The following NSD1 variants were observed in gnomAD, a reference collection of about 807,000 sequenced individuals.
The protein encoded by NSD1 is histone-lysine N-methyltransferase, H3 lysine-36 specific.
NSD1 carries 26 observed loss-of-function variants against 242.7 expected under a neutral mutation model. The ratio of observed to expected loss-of-function variants is 0.11; its 90% CI spans 0.08 to 0.15. NSD1 has a LOEUF of 0.15. Among genes scored for constraint, NSD1 ranks in the 10% least tolerant of loss-of-function variants. The pLI is 1.00. For missense variants in NSD1, 2,495 were observed against 3,272.8 expected, an observed-to-expected ratio of 0.76 and a Z score of 5.80; for synonymous variants, 1,106 against 1,178.1, an observed-to-expected ratio of 0.94 and a Z score of 1.25.
chr5:177,248,042 A>G, intron 10 of NSD1, 139 bp from the exon 11 acceptor site: 1 of 1,524,802 alleles, frequency 6.6e-7, no homozygotes, highest in Non-Finnish European at 8.8e-7. Context: ...TAGAACTAAC[A>G]TTGCATGCAG....
At chr5:177,191,739 T>TAC in intron 2 of NSD1, 145 bp from the exon 3 acceptor site, 1 of 778,968 alleles carries the variant, frequency 1.3e-6, no homozygotes, top group Non-Finnish European at 2.1e-6. Flanking sequence ...AATTTAGTTG[T>TAC]ACTTATTTTG....
chr5:177,248,874 A>G (rs1233211568), intron 11 of NSD1, among the ~76,000 whole-genome samples: 2 of 152,218 alleles, frequency 1.3e-5, no homozygotes, highest in Non-Finnish European at 2.9e-5. Flanking sequence ...CCCATTTTGC[A>G]GATGAGGAAA....
intron 2 of NSD1, among the ~76,000 whole-genome samples, chr5:177,168,795 T>G (rs1172339449): frequency 6.6e-6 from 1 of 152,184 alleles, no homozygotes; most frequent in Non-Finnish European, 1.5e-5. Context: ...AAATCCATGC[T>G]TCAGGATTTG....
At chr5:177,262,307 AT>A (rs1562271949) in intron 14 of NSD1, among the ~76,000 whole-genome samples, 2 of 152,110 alleles carry the variant, frequency 1.3e-5, no homozygotes, top group Admixed American at 1.3e-4. Flanking sequence ...CTTTCTTAAG[AT>A]ATCACTAAAG....
intron 2 of NSD1, among the ~76,000 whole-genome samples, chr5:177,178,312 C>T (rs375987015): frequency 6.6e-5 from 10 of 152,206 alleles, no homozygotes; most frequent in South Asian, 2.1e-4. Flanking sequence ...CCACAACCTC[C>T]GCCTCCCGGG....
intron 17 of NSD1, among the ~76,000 whole-genome samples, chr5:177,274,438 C>A (rs1758190962): frequency 3.3e-5 from 5 of 152,120 alleles, no homozygotes. Context: ...GCAGTTTTAT[C>A]ATTACTTTTA....
chr5:177,295,672 G>T lies in NSD1; in HGVS notation c.*213G>T. On this transcript the variant is annotated 3_prime_UTR_variant, in exon 23 of 23. Coordinates refer to ENST00000439151, the MANE Select transcript of NSD1 (RefSeq NM_022455.5). The surrounding 1 kb of genome is among the most constrained non-coding windows in gnomAD (Gnocchi z 4.3). ...TGAACCATGTATGAAAATCCAGTGG[G>T]CCCCAACCAAGGAGACAGACAGACT... 1 of 626,010 alleles carries T rather than the reference G, an allele frequency of 1.6e-6. No individual in the cohort carries two copies. The highest frequency in any genetic ancestry group is 2.8e-6 in the Non-Finnish European group (1 of 355,108). The allele number at this position is 626,010 out of a possible 1,614,324, so 38.8% of individuals were successfully genotyped here.
In NSD1 at chr5:177,294,692, G is replaced by A. The variant is rs755621831; in HGVS notation, c.7324G>A (p.Val2442Met). 1.9e-6 allele frequency: 3 copies of A among 1,614,122 alleles called. No individual in the cohort carries two copies. Among genetic ancestry groups the A allele is most frequent in the African/African-American group, 2.7e-5 (2 of 74,934 alleles). ...LVAKEKALRP[V>M]DQNTQSKNRA... The stretch of plus-strand genomic sequence containing the variant: ...AGCTAAAGAAAAAGCACTGAGGCCT[G>A]TGGACCAGAATACTCAGTCAAAAAA... The change falls in exon 23 of 23, where the codon GTG (valine) becomes ATG (methionine). Residue 2442 changes from valine to methionine, a missense_variant. Physicochemically the swap from Val to Met is conservative, Grantham distance 21 (BLOSUM62 1). Coordinates refer to ENST00000439151, the MANE Select transcript of NSD1 (RefSeq NM_022455.5).
At chr5:177,217,536 T>TAA (rs961721524) in intron 5 of NSD1, among the ~76,000 whole-genome samples, 2 of 152,158 alleles carry the variant, frequency 1.3e-5, no homozygotes, top group Non-Finnish European at 2.9e-5. Context: ...CCTTGCTCTT[T>TAA]ATCTTAGAGG....
At position 177,297,761 on chromosome 5, in the gene NSD1, C is replaced by T. The variant is rs1382898296; in HGVS notation, c.*2302C>T. ...AAAGTAGGCTTTGGTAGGTAATCAA[C>T]TTGACAGCAGTCTAGATGTCTCACA... On this transcript the variant is annotated 3_prime_UTR_variant, in exon 23 of 23. Coordinates refer to ENST00000439151, the MANE Select transcript of NSD1 (RefSeq NM_022455.5). The T allele has an allele frequency of 1.3e-5, 3 of 232,728 alleles. No individual in the cohort carries two copies. Among genetic ancestry groups the T allele is most frequent in the African/African-American group, 6.6e-5 (3 of 45,284 alleles). 14.4% of individuals were successfully genotyped at this position (232,728 alleles called of 1,614,324 possible).
At chr5:177,171,303 C>G (rs1170394853) in intron 2 of NSD1, among the ~76,000 whole-genome samples, 17 of 150,976 alleles carry the variant, frequency 1.1e-4, no homozygotes, top group Admixed American at 1.1e-3. Context: ...GAGACTCCGT[C>G]TCCAAAAAAA....
At chr5:177,189,375 A>G (rs1489228855) in intron 2 of NSD1, among the ~76,000 whole-genome samples, 1 of 152,172 alleles carries the variant, frequency 6.6e-6, no homozygotes, top group Non-Finnish European at 1.5e-5. Flanking sequence ...TCCTCTGTCT[A>G]TTGAATGCAT....
chr5:177,242,807 G>T (rs1326962551), intron 8 of NSD1, among the ~76,000 whole-genome samples: 1 of 152,166 alleles, frequency 6.6e-6, no homozygotes, highest in Non-Finnish European at 1.5e-5. Context: ...GGGAATACAG[G>T]TGTGAACCAC....
chr5:177,247,465 C>T (rs1398364890), intron 10 of NSD1, among the ~76,000 whole-genome samples: 1 of 151,538 alleles, frequency 6.6e-6, no homozygotes, highest in African/African-American at 2.4e-5. Context: ...GGCGTTGTGG[C>T]TCATGCCACT....
intron 2 of NSD1, among the ~76,000 whole-genome samples, chr5:177,182,890 G>T (rs569684260): frequency 6.6e-6 from 1 of 152,042 alleles, no homozygotes; most frequent in Non-Finnish European, 1.5e-5. Context: ...CGCCCACCTC[G>T]GCCTCCCAAA....
chr5:177,170,150 T>C (rs1759570165), intron 2 of NSD1, among the ~76,000 whole-genome samples: 1 of 150,164 alleles, frequency 6.7e-6, no homozygotes, highest in South Asian at 2.1e-4. Context: ...TTTTTTGTAT[T>C]TTTAGTAGAG....
rs761132790 is a variant in NSD1, at chr5:177,199,614, T to TTTTC, written c.1064-4503_1064-4502insCTTT. The stretch of plus-strand genomic sequence containing the variant: ...CTTTTCTTTTCTTTTCTTTTCTTTT[T>TTTTC]TTTTGAGATGGAGTCTCTCTCTGTC... On this transcript the variant is annotated intron_variant, in intron 3 of 22. Coordinates refer to ENST00000439151, the MANE Select transcript of NSD1 (RefSeq NM_022455.5). 3.0e-3 allele frequency among the ~76,000 whole-genome samples: 449 copies of TTTTC among 148,974 alleles called. 5 individuals carry two copies. Among genetic ancestry groups the TTTTC allele is most frequent in the South Asian group, 7.6e-3 (36 of 4,748 alleles).
chr5:177,209,110 T>G (rs1581312364), intron 4 of NSD1, among the ~76,000 whole-genome samples: 1 of 152,280 alleles, frequency 6.6e-6, no homozygotes, highest in East Asian at 1.9e-4. Flanking sequence ...TCTAATGACA[T>G]AATCTTATTA....
At chr5:177,185,646 A>T (rs917146127) in intron 2 of NSD1, among the ~76,000 whole-genome samples, 9 of 131,254 alleles carry the variant, frequency 6.9e-5, no homozygotes, top group Non-Finnish European at 1.1e-4. Context: ...TTTTTTTGAG[A>T]CAGAGACCAA....
Sources: gnomAD v4.1 joint callset for allele counts (sites outside exome capture counted in the v4.1 genomes callset) on GRCh38, gnomAD v4.1.1 for gene constraint, Gnocchi (gnomAD v3.1) non-coding constraint, MANE v1.5 for transcripts, NCBI Gene and HGNC (gene_info 2026-07-23, HGNC 2026-07-21) for gene names.